The following RYR2 variants were observed in gnomAD, a reference collection of about 807,000 sequenced individuals.
The protein encoded by RYR2 is ryanodine receptor 2.
In RYR2, 227 loss-of-function variants were observed where a neutral mutation model predicts 601.1. The ratio of observed to expected loss-of-function variants is 0.38; its 90% CI spans 0.34 to 0.42. The LOEUF is 0.42. Among genes scored for constraint, RYR2 ranks in the 10% least tolerant of loss-of-function variants. The pLI is 1.00. For synonymous variants in RYR2, 2,223 were observed against 2,175.1 expected (o/e 1.02, Z -0.61); for missense variants, 4,646 against 6,156.5 (o/e 0.75, Z 8.21).
chr1:237,192,193 T>C (rs941241882), intron 1 of RYR2, among the ~76,000 whole-genome samples: 4 of 151,952 alleles, frequency 2.6e-5, no homozygotes, highest in Non-Finnish European at 5.9e-5. Flanking sequence ...AAAAAAACAT[T>C]TTCTTATTTT....
At chr1:237,427,729 G>A (rs1431405821) in intron 12 of RYR2, among the ~76,000 whole-genome samples, 1 of 133,480 alleles carries the variant, frequency 7.5e-6, no homozygotes, top group Non-Finnish European at 1.5e-5. Flanking sequence ...GTTGCAGTGA[G>A]CCTAAATTGT....
At chr1:237,589,664 A>G (rs1674929319) in intron 29 of RYR2, 129 bp from the exon 30 acceptor site, 1 of 737,628 alleles carries the variant, frequency 1.4e-6, no homozygotes, top group African/African-American at 1.8e-5. Flanking sequence ...TCCCTTTATT[A>G]CACTACTTTT....
chr1:237,199,940 G>A (rs1054365115), intron 1 of RYR2, among the ~76,000 whole-genome samples: 13 of 152,184 alleles, frequency 8.5e-5, no homozygotes, highest in Non-Finnish European at 1.3e-4. Context: ...AGAAATGTTC[G>A]TTAATTAGCC....
At chr1:237,594,886 G>GTTTTT (rs776702428) in intron 33 of RYR2, among the ~76,000 whole-genome samples, 8 of 60,412 alleles carry the variant, frequency 1.3e-4, no homozygotes, top group African/African-American at 6.7e-4. Flanking sequence ...ATATCACTGG[G>GTTTTT]TTTTTTTTTT....
At chr1:237,745,349 A>G (rs1177381138) in intron 80 of RYR2, among the ~76,000 whole-genome samples, 1 of 152,206 alleles carries the variant, frequency 6.6e-6, no homozygotes, top group Non-Finnish European at 1.5e-5. Context: ...ATTATTTCAT[A>G]TAAAATTTAT....
At chr1:237,300,621 C>T (rs967984324) in intron 2 of RYR2, among the ~76,000 whole-genome samples, 4 of 152,088 alleles carry the variant, frequency 2.6e-5, no homozygotes, top group African/African-American at 9.7e-5. Flanking sequence ...ATCTGCAAGA[C>T]AAAATTAGAT....
intron 27 of RYR2, among the ~76,000 whole-genome samples, chr1:237,552,809 A>G (rs1044534631): frequency 6.6e-6 from 1 of 151,834 alleles, no homozygotes; most frequent in African/African-American, 2.4e-5. Context: ...GTTGTTTCCA[A>G]TTTTAGGTGA....
intron 1 of RYR2, among the ~76,000 whole-genome samples, chr1:237,146,733 A>T (rs929179303): frequency 1.3e-5 from 2 of 152,096 alleles, no homozygotes; most frequent in African/African-American, 2.4e-5. Flanking sequence ...GGATGTGTTC[A>T]TCTATTTCCA....
At chr1:237,686,683 G>A (rs1686422484) in intron 62 of RYR2, among the ~76,000 whole-genome samples, 2 of 152,144 alleles carry the variant, frequency 1.3e-5, no homozygotes, top group African/African-American at 4.8e-5. Context: ...GTGGATACCA[G>A]CGTTGTCAGG....
chr1:237,801,174 T>TG (rs1271711174), intron 97 of RYR2, among the ~76,000 whole-genome samples: 1 of 127,878 alleles, frequency 7.8e-6, no homozygotes, highest in Non-Finnish European at 1.8e-5. Flanking sequence ...CAAGTGCATA[T>TG]GAAAGTGAGG....
intron 12 of RYR2, among the ~76,000 whole-genome samples, chr1:237,427,675 T>C (rs1706311632): frequency 6.8e-6 from 1 of 147,322 alleles, no homozygotes; most frequent in African/African-American, 2.5e-5. Context: ...CCCAGCTGCT[T>C]GGGAGGCTGA....
In RYR2 at chr1:237,828,475, T is replaced by G. The variant is rs764584563; in HGVS notation, c.14655+30T>G. The G allele has an allele frequency of 1.2e-5, 18 of 1,473,022 alleles. No homozygotes were observed. The East Asian group carries it at 3.4e-4, about 28-fold the overall frequency. The allele number at this position is 1,473,022 out of a possible 1,614,324, so 91.2% of individuals were successfully genotyped here. On this transcript the variant is annotated intron_variant, in intron 102 of 104. Coordinates refer to ENST00000366574, the MANE Select transcript of RYR2 (RefSeq NM_001035.3). ...GCTTCTCCATTCATGACTCAGCTTC[T>G]TTGTTGTCCTGGGCCCTCGTTTTCC...
At chr1:237,160,206 T>A (rs1478391263) in intron 1 of RYR2, among the ~76,000 whole-genome samples, 1 of 152,144 alleles carries the variant, frequency 6.6e-6, no homozygotes, top group Non-Finnish European at 1.5e-5. Context: ...ACAAAACAAG[T>A]TTATATGTAT....
intron 84 of RYR2, among the ~76,000 whole-genome samples, chr1:237,761,391 A>G (rs542759558): frequency 1.3e-5 from 2 of 152,280 alleles, no homozygotes; most frequent in Admixed American, 1.3e-4. Flanking sequence ...CCACTTTAGC[A>G]AAGTCGGGCT....
At chr1:237,797,728 A>C (rs1303843001) in intron 96 of RYR2, among the ~76,000 whole-genome samples, 1 of 152,214 alleles carries the variant, frequency 6.6e-6, no homozygotes, top group Non-Finnish European at 1.5e-5. Context: ...TAATTTAGTA[A>C]AGGTCGTTCT....
intron 25 of RYR2, among the ~76,000 whole-genome samples, chr1:237,544,363 ATGATGTT>A (rs1462961655): frequency 6.6e-6 from 1 of 152,198 alleles, no homozygotes; most frequent in Non-Finnish European, 1.5e-5. Context: ...GAAGTTTCTC[ATGATGTT>A]TGAGAAAGTA....
rs1319989346 is a variant in RYR2, at chr1:237,639,012, T to G, written c.6929-3T>G. The G allele has an allele frequency of 1.9e-6, 3 of 1,613,496 alleles. No homozygotes were observed. Among genetic ancestry groups the G allele is most frequent in the Non-Finnish European group, 2.5e-6 (3 of 1,179,674 alleles). ...TTTACTTATCTTCCCCATTCTACTT[T>G]AGGGGAGAGTGTGGAGGAAAATGCA... On this transcript the variant is annotated splice_region_variant and splice_polypyrimidine_tract_variant and intron_variant, in intron 45 of 104. Coordinates refer to ENST00000366574, the MANE Select transcript of RYR2 (RefSeq NM_001035.3).
intron 36 of RYR2, among the ~76,000 whole-genome samples, 159 bp from the exon 37 acceptor site, chr1:237,613,880 C>T (rs1678170358): frequency 6.6e-6 from 1 of 152,182 alleles, no homozygotes; most frequent in Non-Finnish European, 1.5e-5. Context: ...CCAAACAATT[C>T]TGGTCCCAAG....
chr1:237,750,744 A>C, intron 80 of RYR2, among the ~76,000 whole-genome samples: 1 of 152,152 alleles, frequency 6.6e-6, no homozygotes, highest in East Asian at 1.9e-4. Context: ...TTGACAATTT[A>C]TACAATAGAG....
Sources: allele counts gnomAD v4.1 joint callset (sites outside exome capture counted in the v4.1 genomes callset), GRCh38; gene constraint gnomAD v4.1.1; transcripts MANE v1.5; gene names NCBI Gene and HGNC (gene_info 2026-07-23, HGNC 2026-07-21).